The following CLPTM1L variants were observed in gnomAD, a reference collection of about 807,000 sequenced individuals.
CLPTM1L encodes the protein lipid scramblase CLPTM1L.
Under a neutral mutation model 70.9 loss-of-function variants are expected in CLPTM1L, and 38 were observed. The observed-to-expected ratio is 0.54, with a 90% CI of 0.41 to 0.70. The LOEUF (loss-of-function observed/expected upper bound fraction) is 0.70. Ranked by LOEUF, CLPTM1L falls within the 30% of genes least tolerant of loss-of-function variation. CLPTM1L has a pLI of 0.00. For synonymous variants in CLPTM1L, 339 were observed against 299.9 expected (o/e 1.13, Z -1.35); for missense variants, 652 against 705.9 (o/e 0.92, Z 0.87).
At position 1,335,071 on chromosome 5, in the gene CLPTM1L, G is replaced by A. The variant is rs1417267049; in HGVS notation, c.782C>T (p.Ser261Phe). 2 of 1,613,012 alleles carry A rather than the reference G, an allele frequency of 1.2e-6. No homozygotes were observed. The highest frequency in any genetic ancestry group is 3.3e-5 in the Admixed American group (2 of 60,030). ...GCGGCACATACCGAACTGCTGCAGG[G>A]AGTACACGGCGTCCTGCATGTGGAT... ...FWIHMQDAVY[S>F]LQQFGFSEKD... Residue 261 changes from serine (S) to phenylalanine (F), a missense_variant, in exon 6 of 17, where the codon TCC becomes TTC. Ser to Phe is a radical substitution (Grantham distance 155). This residue lies in a region of CLPTM1L where 402 missense variants were observed against 388.2 expected (regional missense o/e 1.04). Transcript: ENST00000320895.
intron 3 of CLPTM1L, among the ~76,000 whole-genome samples, chr5:1,340,868 C>T (rs1217937964): frequency 2.0e-5 from 3 of 152,314 alleles, no homozygotes; most frequent in African/African-American, 4.8e-5. Context: ...CGGGTTCAAA[C>T]GATTCTCCTC....
chr5:1,338,763 G>A, intron 4 of CLPTM1L, 97 bp downstream of exon 4: 1 of 1,435,678 alleles, frequency 7.0e-7, no homozygotes, highest in Non-Finnish European at 9.6e-7. Flanking sequence ...CCCCACAGAG[G>A]GGACTCCACG....
intron 7 of CLPTM1L, among the ~76,000 whole-genome samples, chr5:1,332,988 C>A (rs1244531362): frequency 1.3e-5 from 2 of 148,330 alleles, no homozygotes; most frequent in Middle Eastern, 3.5e-3. Context: ...TGTATACACA[C>A]GGGATGAGGA....
Position 1,331,788 on chromosome 5 carries a change from G to A in CLPTM1L, c.976+11C>T, listed in dbSNP as rs751793114. 8.7e-6 allele frequency: 14 copies of A among 1,611,804 alleles called. No individual in the cohort carries two copies. In the East Asian group the frequency reaches 8.9e-5, roughly 10 times the overall value. On this transcript the variant is annotated intron_variant, in intron 8 of 16. Coordinates refer to ENST00000320895, the MANE Select transcript of CLPTM1L (RefSeq NM_030782.5). The stretch of plus-strand genomic sequence containing the variant: ...AGAGTATCTGAGCAGGGCCACGCTC[G>A]GGGGGCCTACCTGCCTTGGTGGACA...
intron 3 of CLPTM1L, among the ~76,000 whole-genome samples, chr5:1,341,186 C>T (rs943504283): frequency 2.0e-5 from 3 of 152,246 alleles, no homozygotes; most frequent in African/African-American, 7.2e-5. Flanking sequence ...TTTGCGCATA[C>T]ACCTTTCTAC....
chr5:1,323,610 G>C (rs1298086434), intron 12 of CLPTM1L, among the ~76,000 whole-genome samples, 177 bp downstream of exon 12: 1 of 152,166 alleles, frequency 6.6e-6, no homozygotes, highest in East Asian at 1.9e-4. Flanking sequence ...CTTACCAGGG[G>C]GACACTGAGG....
At chr5:1,331,754 C>T (rs770706553) in intron 8 of CLPTM1L, 45 bp downstream of exon 8, 11 of 1,561,834 alleles carry the variant, frequency 7.0e-6, no homozygotes, top group Non-Finnish European at 7.9e-6. Flanking sequence ...CCAGTGAGCT[C>T]CCTGGGGCAG....
intron 11 of CLPTM1L, 112 bp from the exon 12 acceptor site, chr5:1,323,981 G>A (rs1561230647): frequency 3.6e-6 from 3 of 835,440 alleles, no homozygotes; most frequent in African/African-American, 1.7e-5. Flanking sequence ...ACAGCGCTCA[G>A]GGTGGCAGGG....
intron 5 of CLPTM1L, among the ~76,000 whole-genome samples, chr5:1,336,409 C>A (rs996221127): frequency 3.3e-5 from 5 of 152,260 alleles, no homozygotes; most frequent in African/African-American, 1.2e-4. Context: ...ACCACTGGCA[C>A]AGCTGCGCCG....
rs539577379 is a variant in CLPTM1L, at chr5:1,322,716, C to T, written c.1315+161G>A. On this transcript the variant is annotated intron_variant, in intron 13 of 16. Coordinates refer to ENST00000320895, the MANE Select transcript of CLPTM1L (RefSeq NM_030782.5). The stretch of plus-strand genomic sequence containing the variant: ...ACGCAGGGCTTTATCTGCTCACAGC[C>T]TGGGGGGAGCCCTGGGCACCGCACA... 13 of 742,044 alleles carry T rather than the reference C, an allele frequency of 1.8e-5. No individual in the cohort carries two copies. In the South Asian group the frequency reaches 2.1e-4, roughly 12 times the overall value. 46.0% of individuals were successfully genotyped at this position (742,044 alleles called of 1,614,324 possible).
chr5:1,330,673 G>A, intron 8 of CLPTM1L: 1 of 434,826 alleles, frequency 2.3e-6, no homozygotes, highest in East Asian at 3.7e-5. Context: ...TCGGATGACG[G>A]GGCCAGCACA....
intron 8 of CLPTM1L, 162 bp from the exon 9 acceptor site, chr5:1,330,545 C>G: frequency 1.7e-6 from 1 of 600,444 alleles, no homozygotes; most frequent in South Asian, 2.1e-5. Context: ...AACAATGAAG[C>G]ATTCAGCAGC....
rs562401799 is a variant in CLPTM1L, at chr5:1,344,622, G to A, written c.162+58C>T. 1.9e-4 allele frequency: 289 copies of A among 1,522,154 alleles called. 1 individual carries two copies. The South Asian group carries it at 2.2e-3, about 11-fold the overall frequency. The allele number at this position is 1,522,154 out of a possible 1,614,324, so 94.3% of individuals were successfully genotyped here. A position where few individuals can be genotyped will look rare whatever the true frequency, so the allele number is the denominator to read the frequency against. On this transcript the variant is annotated intron_variant, in intron 1 of 16. Transcript: ENST00000320895. ...CTGGGACGGGAAGGCGACGTCTGGG[G>A]CCTGGAGGAGAGGCCCCCACCCCAA...
rs1276714524 is a variant in CLPTM1L, at chr5:1,344,791, C to T, written c.51G>A (p.Val17=). The part of the protein sequence containing the change: ...SFTSLVVGVF[V]VYVVHTCWVM... ...CCCAGCAGGTGTGCACCACGTAGAC[C>T]ACGAACACGCCCACCACCAAGCTGG... The change falls in exon 1 of 17, where the codon GTG becomes GTA. Residue 17 remains valine, a synonymous_variant. Transcript: ENST00000320895. 6.2e-7 allele frequency: 1 copy of T among 1,604,514 alleles called. No homozygotes were observed. Among genetic ancestry groups the T allele is most frequent in the Non-Finnish European group, 8.5e-7 (1 of 1,176,524 alleles).
chr5:1,344,876 C>G lies in CLPTM1L; in HGVS notation c.-35G>C, dbSNP rs1754179778. On this transcript the variant is annotated 5_prime_UTR_variant, in exon 1 of 17. Transcript: ENST00000320895. ...GCGCCCGGCGCCCCCGGCCCGCCCG[C>G]CTCTCAGCCGCGAGCCCCGCCCGCC... 8.0e-7 allele frequency: 1 copy of G among 1,254,070 alleles called. No homozygotes were observed. Among genetic ancestry groups the G allele is most frequent in the African/African-American group, 1.6e-5 (1 of 63,080 alleles). 77.7% of individuals were successfully genotyped at this position (1,254,070 alleles called of 1,614,324 possible).
At position 1,341,721 on chromosome 5, in the gene CLPTM1L, C is replaced by T. The variant is rs1273063197; in HGVS notation, c.403G>A (p.Val135Ile). The change falls in exon 3 of 17, where the codon GTC becomes ATC. Residue 135 changes from valine (V) to isoleucine (I), a missense_variant. Physicochemically the swap from Val to Ile is conservative, Grantham distance 29. Transcript: ENST00000320895. ...HLVSPLTTYM[V>I]PKPEEINLLT... ...AGGTTGATTTCTTCTGGCTTGGGGA[C>T]CATGTAGGTGGTCAGAGGACTGACC... 8.1e-6 allele frequency: 13 copies of T among 1,613,776 alleles called. No homozygotes were observed. Among genetic ancestry groups the T allele is most frequent in the South Asian group, 1.1e-5 (1 of 91,074 alleles).
rs376982395 is a variant in CLPTM1L at position 1,335,111 on chromosome 5, G to A, written c.742C>T (p.Arg248Trp). 10 of 1,613,668 alleles carry A rather than the reference G, an allele frequency of 6.2e-6. No individual in the cohort carries two copies. The highest frequency in any genetic ancestry group is 7.6e-6 in the Non-Finnish European group (9 of 1,180,020). ...TVSYDKVSLG[R>W]LRFWIHMQDA... Reference sequence around the variant, plus strand: ...TGCATGTGGATCCAGAAGCGCAGCCGCCCCAGTGAGACCTTGTCGTAGGAC... The same window carrying A: ...TGCATGTGGATCCAGAAGCGCAGCCACCCCAGTGAGACCTTGTCGTAGGAC... Residue 248 changes from arginine to tryptophan, a missense_variant, in exon 6 of 17, where the codon CGG (arginine) becomes TGG (tryptophan). By Grantham distance (101) the Arg-to-Trp change is moderately radical. Transcript: ENST00000320895.
intron 9 of CLPTM1L, among the ~76,000 whole-genome samples, chr5:1,328,439 ACAGACACATTTCATCCAGCTCCTCCTCTG>A (rs1752794618): frequency 1.4e-5 from 2 of 143,440 alleles, no homozygotes; most frequent in African/African-American, 2.7e-5. Context: ...CTCCTCCTCT[ACAGACACATTTCATCCAGCTCCTCCTCTG>A]CAGACACATT....
intron 5 of CLPTM1L, among the ~76,000 whole-genome samples, chr5:1,336,256 C>T (rs1753571806): frequency 6.6e-6 from 1 of 152,236 alleles, no homozygotes; most frequent in Non-Finnish European, 1.5e-5. Context: ...TGCATCCCAG[C>T]TGCCTGCTTC....
Sources: gnomAD v4.1 joint callset for allele counts (sites outside exome capture counted in the v4.1 genomes callset) on GRCh38, gnomAD v4.1.1 for gene constraint, gnomAD v4.1.1 regional missense constraint, MANE v1.5 for transcripts, NCBI Gene and HGNC (gene_info 2026-07-23, HGNC 2026-07-21) for gene names.